Variants in SPTBN1 observed in about 807,000 individuals in gnomAD.
The protein encoded by SPTBN1 is spectrin beta chain, non-erythrocytic 1.
A neutral mutation model predicts 266.4 loss-of-function variants in SPTBN1; 32 were observed. The ratio of observed to expected loss-of-function variants is 0.12; its 90% CI spans 0.09 to 0.16. The LOEUF (loss-of-function observed/expected upper bound fraction) is 0.16. Among genes scored for constraint, SPTBN1 ranks in the 10% least tolerant of loss-of-function variants. The pLI is 1.00. For missense variants in SPTBN1, 2,296 were observed against 3,067.1 expected, an observed-to-expected ratio of 0.75 and a Z score of 5.94; for synonymous variants, 1,336 against 1,162.2, an observed-to-expected ratio of 1.15 and a Z score of -3.04.
In SPTBN1 at chr2:54,653,463, G is replaced by C. The variant is rs1572760419; in HGVS notation, c.5578-146G>C. On this transcript the variant is annotated intron_variant, in intron 26 of 35. Transcript: ENST00000356805. The surrounding 1 kb of genome is among the most constrained non-coding windows in gnomAD (Gnocchi z 5.1). Reference sequence around the variant, plus strand: ...GGTTTTTGTGACTTGGATCTCCCCAGTGAAATTGAGGGCTCCTTAAGGGGC... The same window carrying C: ...GGTTTTTGTGACTTGGATCTCCCCACTGAAATTGAGGGCTCCTTAAGGGGC... 1.5e-6 allele frequency: 2 copies of C among 1,326,412 alleles called. No homozygotes were observed. Among genetic ancestry groups the C allele is most frequent in the Non-Finnish European group, 2.0e-6 (2 of 991,430 alleles). The allele number at this position is 1,326,412 out of a possible 1,614,324, so 82.2% of individuals were successfully genotyped here. A position where few individuals can be genotyped will look rare whatever the true frequency, so the allele number is the denominator to read the frequency against.
intron 28 of SPTBN1, among the ~76,000 whole-genome samples, chr2:54,655,504 A>G (rs1421036809): frequency 6.6e-6 from 1 of 152,180 alleles, no homozygotes; most frequent in Non-Finnish European, 1.5e-5. Context: ...GCCCTAGATC[A>G]GTTTGCTGTT....
intron 1 of SPTBN1, among the ~76,000 whole-genome samples, chr2:54,492,697 C>G (rs907483164): frequency 2.0e-5 from 3 of 152,160 alleles, no homozygotes; most frequent in Non-Finnish European, 4.4e-5. Context: ...GGACACGTCT[C>G]TTATGTCTCA....
chr2:54,579,596 G>T (rs547667383), intron 2 of SPTBN1, among the ~76,000 whole-genome samples: 1 of 152,108 alleles, frequency 6.6e-6, no homozygotes, highest in Admixed American at 6.5e-5. Context: ...TATTAAGGGA[G>T]CCCAGCATTG....
chr2:54,643,315 C>G (rs1679701536), intron 19 of SPTBN1, among the ~76,000 whole-genome samples, 186 bp downstream of exon 19: 1 of 152,160 alleles, frequency 6.6e-6, no homozygotes, highest in East Asian at 1.9e-4. Flanking sequence ...GGGAAAAAAG[C>G]AGAAACCCAA....
At chr2:54,569,651 A>G (rs1475552779) in intron 2 of SPTBN1, among the ~76,000 whole-genome samples, 2 of 152,176 alleles carry the variant, frequency 1.3e-5, no homozygotes, top group Non-Finnish European at 2.9e-5. Flanking sequence ...TCCAAATCAG[A>G]CAATTACTTA....
At position 54,533,809 on chromosome 2, in the gene SPTBN1, C is replaced by G. The variant is rs1483494133; in HGVS notation, c.148+7243C>G. 6.6e-6 allele frequency among the ~76,000 whole-genome samples: 1 copy of G among 152,154 alleles called. No homozygotes were observed. Among genetic ancestry groups the G allele is most frequent in the East Asian group, 1.9e-4 (1 of 5,184 alleles). Reference sequence around the variant, plus strand: ...CAGGTGATCCGCCCGCCTTGGCCTCCCAAAGTGCTGGGATTACAGGCGTGA... The same window carrying G: ...CAGGTGATCCGCCCGCCTTGGCCTCGCAAAGTGCTGGGATTACAGGCGTGA... On this transcript the variant is annotated intron_variant, in intron 2 of 35. Transcript: ENST00000356805. The surrounding 1 kb of genome is among the most constrained non-coding windows in gnomAD (Gnocchi z 4.2).
At chr2:54,470,793 G>T (rs927421983) in intron 1 of SPTBN1, among the ~76,000 whole-genome samples, 3 of 152,112 alleles carry the variant, frequency 2.0e-5, no homozygotes, top group African/African-American at 7.2e-5. Context: ...GGGCAGAGTA[G>T]AAAGAACCTG....
chr2:54,660,983 A>G (rs1277123520), intron 32 of SPTBN1: 3 of 985,408 alleles, frequency 3.0e-6, no homozygotes, highest in South Asian at 4.7e-5. Flanking sequence ...AACAGAAGCC[A>G]TTGTGGTTCA....
chr2:54,485,173 C>CGTCTCCCTCTCCGTCTCCCTCTCG (rs1362447433), intron 1 of SPTBN1, among the ~76,000 whole-genome samples: 4 of 151,548 alleles, frequency 2.6e-5, no homozygotes, highest in South Asian at 2.1e-4. Flanking sequence ...CCTCTCCCTC[C>CGTCTCCCTCTCCGTCTCCCTCTCG]GTCTCCCTCT....
rs767356642 is a variant in SPTBN1, at chr2:54,642,973, C to G, written c.3859-10C>G. 6.2e-7 allele frequency: 1 copy of G among 1,609,304 alleles called. No homozygotes were observed. The highest frequency in any genetic ancestry group is 8.5e-7 in the Non-Finnish European group (1 of 1,177,598). Reference sequence around the variant, plus strand: ...ATCACAATCTCTGAATCCTTCTGATCTTTCTGTAGCTGTCTCTCTGGATCA... The same window carrying G: ...ATCACAATCTCTGAATCCTTCTGATGTTTCTGTAGCTGTCTCTCTGGATCA... On this transcript the variant is annotated splice_polypyrimidine_tract_variant and intron_variant, in intron 18 of 35. Coordinates refer to ENST00000356805, the MANE Select transcript of SPTBN1 (RefSeq NM_003128.3).
At position 54,664,927 on chromosome 2, in the gene SPTBN1, G is replaced by T. The variant is rs1306390055; in HGVS notation, c.6659+236G>T. The T allele has an allele frequency of 3.9e-6, 2 of 506,620 alleles. No individual in the cohort carries two copies. Among genetic ancestry groups the T allele is most frequent in the South Asian group, 2.6e-5 (1 of 38,034 alleles). The allele number at this position is 506,620 out of a possible 1,614,324, so 31.4% of individuals were successfully genotyped here. A position where few individuals can be genotyped will look rare whatever the true frequency, so the allele number is the denominator to read the frequency against. On this transcript the variant is annotated intron_variant, in intron 33 of 35. Coordinates refer to ENST00000356805, the MANE Select transcript of SPTBN1 (RefSeq NM_003128.3). The surrounding 1 kb of genome is among the most constrained non-coding windows in gnomAD (Gnocchi z 5.6). The stretch of plus-strand genomic sequence containing the variant: ...GGAGTAGCTAGAAGGGGCTTTAGTA[G>T]TTCATCTAGAGAAGGAATTTGCTAG...
At chr2:54,524,504 C>G (rs2104312538) in intron 1 of SPTBN1, among the ~76,000 whole-genome samples, 1 of 152,308 alleles carries the variant, frequency 6.6e-6, no homozygotes, top group Middle Eastern at 3.4e-3. Flanking sequence ...CACCTCTAAG[C>G]ACATCCACCT....
chr2:54,558,436 T>A lies in SPTBN1; in HGVS notation c.148+31870T>A. 1 of 1,026,566 alleles carries A rather than the reference T, an allele frequency of 9.7e-7. No individual in the cohort carries two copies. The highest frequency in any genetic ancestry group is 1.2e-6 in the Non-Finnish European group (1 of 857,084). The allele number at this position is 1,026,566 out of a possible 1,614,324, so 63.6% of individuals were successfully genotyped here. On this transcript the variant is annotated intron_variant, in intron 2 of 35. Transcript: ENST00000356805. This position sits in a 1 kb window ranked among gnomAD's most constrained non-coding sequence, Gnocchi z 4.6. Reference sequence around the variant, plus strand: ...CGCGAGCTCCCGGGCTCGGCAACCGTGGCATGCTTAGGATTGGCCATATTT... The same window carrying A: ...CGCGAGCTCCCGGGCTCGGCAACCGAGGCATGCTTAGGATTGGCCATATTT...
intron 2 of SPTBN1, among the ~76,000 whole-genome samples, chr2:54,530,057 A>G (rs1671122164): frequency 6.6e-6 from 1 of 152,052 alleles, no homozygotes; most frequent in Non-Finnish European, 1.5e-5. Flanking sequence ...TTTTGCTTAG[A>G]GCCATAAAAA....
At chr2:54,624,545 A>G (rs920203629) in intron 10 of SPTBN1, among the ~76,000 whole-genome samples, 3 of 152,202 alleles carry the variant, frequency 2.0e-5, no homozygotes, top group Non-Finnish European at 2.9e-5. Flanking sequence ...ATATTGCTTC[A>G]TAGCTACAGT....
Position 54,544,055 on chromosome 2 carries a change from G to A in SPTBN1, c.148+17489G>A, listed in dbSNP as rs750798001. Among the ~76,000 whole-genome samples the A allele has an allele frequency of 1.6e-4, 25 of 152,176 alleles. 1 individual carries two copies. Among genetic ancestry groups the A allele is most frequent in the Non-Finnish European group, 3.4e-4 (23 of 68,038 alleles). ...GGATTATTTATAATACTTAAAATGT[G>A]TGTATCACTTTCATCTTGGAGAACA... On this transcript the variant is annotated intron_variant, in intron 2 of 35. Transcript: ENST00000356805.
Position 54,533,197 on chromosome 2 carries a change from A to AT in SPTBN1, c.148+6632dup, listed in dbSNP as rs1300336903. Among the ~76,000 whole-genome samples, 1 of 152,146 alleles carries AT rather than the reference A, an allele frequency of 6.6e-6. No individual in the cohort carries two copies. Among genetic ancestry groups the AT allele is most frequent in the East Asian group, 1.9e-4 (1 of 5,190 alleles). ...CACATACCAGGCGGGATGGAGCGAG[A>AT]TGGCGCAAGATTTCATCACAGTGCT... On this transcript the variant is annotated intron_variant, in intron 2 of 35. Coordinates refer to ENST00000356805, the MANE Select transcript of SPTBN1 (RefSeq NM_003128.3). This position sits in a 1 kb window ranked among gnomAD's most constrained non-coding sequence, Gnocchi z 4.2.
chr2:54,657,534 A>T (rs1360617349), intron 29 of SPTBN1, among the ~76,000 whole-genome samples: 1 of 152,276 alleles, frequency 6.6e-6, no homozygotes, highest in Non-Finnish European at 1.5e-5. Flanking sequence ...TTAGAAGAAA[A>T]AAGATTGTAA....
chr2:54,609,359 A>G (rs1284959384), intron 3 of SPTBN1, among the ~76,000 whole-genome samples: 2 of 152,204 alleles, frequency 1.3e-5, no homozygotes, highest in Non-Finnish European at 2.9e-5. Context: ...AACCTCTTTC[A>G]TAATTTCCTT....
Sources: gnomAD v4.1 joint callset for allele counts (sites outside exome capture counted in the v4.1 genomes callset) on GRCh38, gnomAD v4.1.1 for gene constraint, Gnocchi (gnomAD v3.1) non-coding constraint, MANE v1.5 for transcripts, NCBI Gene and HGNC (gene_info 2026-07-23, HGNC 2026-07-21) for gene names.